PLEKHA7: variants seen among roughly 807,000 people sequenced by gnomAD.
The protein encoded by PLEKHA7 is pleckstrin homology domain-containing family A member 7.
Under a neutral mutation model 170.0 loss-of-function variants are expected in PLEKHA7, and 104 were observed. The observed-to-expected ratio is 0.61, with a 90% confidence interval of 0.52 to 0.72. The LOEUF is 0.72. Ranked by LOEUF, PLEKHA7 falls within the 30% of genes least tolerant of loss-of-function variation. PLEKHA7 has a pLI of 0.00. For missense variants in PLEKHA7, 1,615 were observed against 1,671.7 expected (o/e 0.97, Z 0.59); for synonymous variants, 648 against 660.8 (o/e 0.98, Z 0.30).
rs112755396 is a variant in PLEKHA7, at chr11:16,783,128, G to A, written c.3651-232C>T. 5.9e-3 allele frequency among the ~76,000 whole-genome samples: 906 copies of A among 152,330 alleles called. 5 individuals are homozygous for A. Among genetic ancestry groups the A allele is most frequent in the African/African-American group, 0.02 (826 of 41,570 alleles). ...CCTTAAGTTCACGGCTCTAGCTGGA[G>A]GCTCTTATTAAATTCAGACATGAGA... On this transcript the variant is annotated intron_variant, in intron 25 of 26. Coordinates refer to ENST00000531066, the MANE Select transcript of PLEKHA7 (RefSeq NM_001329630.2).
rs750416365 is a variant in PLEKHA7, at chr11:16,816,808, C to T, written c.1858G>A (p.Ala620Thr). The T allele has an allele frequency of 1.4e-5, 22 of 1,613,388 alleles. No individual in the cohort carries two copies. The highest frequency in any genetic ancestry group is 2.2e-5 in the East Asian group (1 of 44,898). ...AGCTTCCCGAGCCTCACCTTGACAG[C>T]GTGGCCCCGTGCCCTCCTTGGAGAA... ...GDSPRRARGH[A>T]VKNSSHVDRR... Residue 620 changes from alanine (A) to threonine (T), a missense_variant, in exon 11 of 27, where the codon GCT (alanine) becomes ACT (threonine). Physicochemically the swap from Ala to Thr is moderately conservative, Grantham distance 58. Transcript: ENST00000531066.
chr11:16,837,002 T>G (rs1295403738), intron 9 of PLEKHA7, among the ~76,000 whole-genome samples: 1 of 152,112 alleles, frequency 6.6e-6, no homozygotes, highest in Non-Finnish European at 1.5e-5. Context: ...TTTTGTATTT[T>G]TAGTAGAGAT....
intron 9 of PLEKHA7, among the ~76,000 whole-genome samples, chr11:16,840,516 C>T (rs891999773): frequency 3.3e-5 from 5 of 152,120 alleles, no homozygotes; most frequent in African/African-American, 9.7e-5. Flanking sequence ...GCCAAGATCA[C>T]GCCATTGCAC....
chr11:16,941,729 T>C (rs529652887), intron 3 of PLEKHA7, among the ~76,000 whole-genome samples: 1 of 152,324 alleles, frequency 6.6e-6, no homozygotes, highest in South Asian at 2.1e-4. Flanking sequence ...CCCAAGATTA[T>C]ACCATGAAGA....
At chr11:16,850,914 C>G (rs1852885791) in intron 8 of PLEKHA7, among the ~76,000 whole-genome samples, 2 of 152,070 alleles carry the variant, frequency 1.3e-5, no homozygotes, top group Admixed American at 1.3e-4. Flanking sequence ...TAAGACAGCT[C>G]AAGAAGGGCT....
At chr11:16,959,654 C>A (rs538546309) in intron 3 of PLEKHA7, among the ~76,000 whole-genome samples, 26 of 152,280 alleles carry the variant, frequency 1.7e-4, no homozygotes, top group African/African-American at 6.0e-4. Flanking sequence ...CCTGAATTGG[C>A]TCCGTGAAAC....
At chr11:16,978,774 C>G (rs1863225885) in intron 3 of PLEKHA7, among the ~76,000 whole-genome samples, 1 of 152,210 alleles carries the variant, frequency 6.6e-6, no homozygotes, top group Non-Finnish European at 1.5e-5. Context: ...TGCTGGGTGT[C>G]TGTACTTTTG....
intron 3 of PLEKHA7, among the ~76,000 whole-genome samples, chr11:16,916,351 G>A (rs1213036435): frequency 3.9e-5 from 6 of 152,114 alleles, no homozygotes; most frequent in Admixed American, 2.0e-4. Context: ...GTGCAGAAGC[G>A]CCAAGTGGAC....
intron 3 of PLEKHA7, among the ~76,000 whole-genome samples, chr11:16,886,038 A>G (rs1590467736): frequency 6.6e-6 from 1 of 152,212 alleles, no homozygotes; most frequent in East Asian, 1.9e-4. Context: ...TAAACCCCAA[A>G]CCAGCCAACA....
intron 11 of PLEKHA7, 120 bp from the exon 12 acceptor site, chr11:16,816,384 C>T (rs915168278): frequency 1.4e-6 from 1 of 717,590 alleles, no homozygotes; most frequent in Non-Finnish European, 2.5e-6. Flanking sequence ...GAAATGAGCA[C>T]ACACATCTTA....
chr11:16,925,195 G>A (rs1859422277), intron 3 of PLEKHA7, among the ~76,000 whole-genome samples: 1 of 152,192 alleles, frequency 6.6e-6, no homozygotes, highest in African/African-American at 2.4e-5. Context: ...AACCACAGCC[G>A]ATTTTGGGAA....
chr11:16,930,791 G>A (rs1342981087), intron 3 of PLEKHA7, among the ~76,000 whole-genome samples: 1 of 152,188 alleles, frequency 6.6e-6, no homozygotes, highest in African/African-American at 2.4e-5. Flanking sequence ...AATTGCTTCT[G>A]GGAGGAAAGT....
In PLEKHA7 at chr11:16,952,073, T is replaced by C. The variant is rs576385857; in HGVS notation, c.221+61916A>G. Among the ~76,000 whole-genome samples the C allele has an allele frequency of 3.9e-5, 6 of 152,358 alleles. No individual in the cohort carries two copies. The East Asian group carries it at 1.2e-3, about 29-fold the overall frequency. On this transcript the variant is annotated intron_variant, in intron 3 of 26. Transcript: ENST00000531066. ...GGGGCCCAGCCTGACCCAAAATGGA[T>C]ACACACAGGTCCCCCAAGATCAGTT...
At chr11:16,896,552 C>T (rs1472807573) in intron 3 of PLEKHA7, among the ~76,000 whole-genome samples, 3 of 152,196 alleles carry the variant, frequency 2.0e-5, no homozygotes, top group African/African-American at 7.2e-5. Flanking sequence ...CCCACAGCCA[C>T]TCAGTAGAAT....
At chr11:16,786,965 C>T in intron 23 of PLEKHA7, 1 of 985,252 alleles carries the variant, frequency 1.0e-6, no homozygotes, top group South Asian at 4.7e-5. Context: ...TGTATGAGAC[C>T]CATCTATTTG....
chr11:16,821,240 G>A (rs1027617), intron 10 of PLEKHA7, among the ~76,000 whole-genome samples: 63,407 of 152,014 alleles, frequency 0.42, 14,260 homozygotes, highest in Non-Finnish European at 0.5. Flanking sequence ...AATCACACAG[G>A]ACTTCCATTT....
intron 8 of PLEKHA7, among the ~76,000 whole-genome samples, chr11:16,847,417 G>T (rs998207788): frequency 6.6e-6 from 1 of 152,112 alleles, no homozygotes; most frequent in South Asian, 2.1e-4. Context: ...TTAAGTAAAG[G>T]CCTATAGGCA....
At chr11:16,958,324 T>A (rs1232328442) in intron 3 of PLEKHA7, among the ~76,000 whole-genome samples, 1 of 151,872 alleles carries the variant, frequency 6.6e-6, no homozygotes, top group Non-Finnish European at 1.5e-5. Context: ...CTCAAAAAAA[T>A]AAAAATTAAA....
intron 13 of PLEKHA7, among the ~76,000 whole-genome samples, chr11:16,805,698 G>A (rs532798713): frequency 4.6e-5 from 7 of 151,420 alleles, no homozygotes; most frequent in Admixed American, 6.6e-5. Context: ...GTTGAGGCAG[G>A]AGAATCTCTT....
Sources: gnomAD v4.1 joint callset for allele counts (sites outside exome capture counted in the v4.1 genomes callset) on GRCh38, gnomAD v4.1.1 for gene constraint, MANE v1.5 for transcripts, NCBI Gene and HGNC (gene_info 2026-07-23, HGNC 2026-07-21) for gene names.